THY1: variants seen among roughly 807,000 people sequenced by gnomAD.
THY1 encodes Thy-1 cell surface antigen.
A neutral mutation model predicts 14.9 loss-of-function variants in THY1; 10 were observed. That is an observed-to-expected ratio of 0.67 (90% CI 0.41 to 1.14). The LOEUF (loss-of-function observed/expected upper bound fraction) is 1.14, where lower values mean the gene tolerates loss of function less well. Ranked by LOEUF, THY1 falls within the 50% of genes most tolerant of loss-of-function variation. THY1 has a pLI of 0.00. For missense variants in THY1, 159 were observed against 202.1 expected (o/e 0.79, Z 1.29); for synonymous variants, 80 against 90.0 (o/e 0.89, Z 0.63).
In THY1 at chr11:119,420,943, A is replaced by G. The variant is rs528282780; in HGVS notation, c.-24-14T>C. On this transcript the variant is annotated splice_polypyrimidine_tract_variant and intron_variant, in intron 1 of 3. Transcript: ENST00000284240. ...TCAGTCCTGGATCTGGGGTGGGAAC[A>G]GGATGGGAATCAGCCAAGCTGTGCC... 2.5e-6 allele frequency: 4 copies of G among 1,613,880 alleles called. No homozygotes were observed. The highest frequency in any genetic ancestry group is 2.7e-5 in the African/African-American group (2 of 75,032).
Position 119,420,402 on chromosome 11 carries a change from C to A in THY1, c.38-16G>T. 1.3e-6 allele frequency: 2 copies of A among 1,595,166 alleles called. No individual in the cohort carries two copies. The highest frequency in any genetic ancestry group is 1.7e-6 in the Non-Finnish European group (2 of 1,172,490). On this transcript the variant is annotated splice_polypyrimidine_tract_variant and intron_variant, in intron 2 of 3. Coordinates refer to ENST00000284240, the MANE Select transcript of THY1 (RefSeq NM_006288.5). ...ACCTGCAAGACTGGCACCAGCAGTG[C>A]CTCCTTCAAACTGGAGGGGCCTGCG... is the stretch of plus-strand genomic sequence containing the variant.
Position 119,422,919 on chromosome 11 carries a change from G to C in THY1, c.-25+194C>G, listed in dbSNP as rs893381159. Among the ~76,000 whole-genome samples, 1 of 152,146 alleles carries C rather than the reference G, an allele frequency of 6.6e-6. No homozygotes were observed. The highest frequency in any genetic ancestry group is 1.5e-5 in the Non-Finnish European group (1 of 67,996). On this transcript the variant is annotated intron_variant, in intron 1 of 3. Transcript: ENST00000284240. The surrounding 1 kb of genome is among the most constrained non-coding windows in gnomAD (Gnocchi z 7.0). ...GAGCGCCTTCCCCGAAAGACATCAG[G>C]GTGCCACGCGGCCCCTGCCCTGCAG...
chr11:119,417,757 C>T lies in THY1; in HGVS notation c.*1651G>A, dbSNP rs935663947. The stretch of plus-strand genomic sequence containing the variant: ...GAGGACATGGGCATCTCCCACCCTT[C>T]GTGCTCACCCTCGCAATAGTGGATG... On this transcript the variant is annotated 3_prime_UTR_variant, in exon 4 of 4. Transcript: ENST00000284240. 3.9e-5 allele frequency: 6 copies of T among 152,332 alleles called. No individual in the cohort carries two copies. The highest frequency in any genetic ancestry group is 1.2e-4 in the African/African-American group (5 of 41,466). The allele number at this position is 152,332 out of a possible 1,614,324, so 9.4% of individuals were successfully genotyped here.
Position 119,416,312 on chromosome 11 carries a change from G to A in THY1, c.*3096C>T, listed in dbSNP as rs542346892. Among the ~76,000 whole-genome samples, 3 of 152,190 alleles carry A rather than the reference G, an allele frequency of 2.0e-5. No individual in the cohort carries two copies. The highest frequency in any genetic ancestry group is 6.5e-5 in the Admixed American group (1 of 15,292). On this transcript the variant is annotated 3_prime_UTR_variant, in exon 4 of 4. Coordinates refer to ENST00000284240, the MANE Select transcript of THY1 (RefSeq NM_006288.5). ...GTTGGGGCATGTGTACAGGAACCAG[G>A]GCTGGGGGCCAGCCCTCTATAATTA...
In THY1 at chr11:119,416,992, AG is replaced by A. The variant is rs1861790394; in HGVS notation, c.*2415del. Among the ~76,000 whole-genome samples the A allele has an allele frequency of 6.6e-6, 1 of 152,220 alleles. No individual in the cohort carries two copies. Among genetic ancestry groups the A allele is most frequent in the African/African-American group, 2.4e-5 (1 of 41,464 alleles). On this transcript the variant is annotated 3_prime_UTR_variant, in exon 4 of 4. Transcript: ENST00000284240. Reference sequence around the variant, plus strand: ...TACTAGAGTGTGACAAAGACCCCATAGGAAGTGTCACACAGGTGCGAGGCTT... The same window carrying A: ...TACTAGAGTGTGACAAAGACCCCATAGAAGTGTCACACAGGTGCGAGGCTT...
At position 119,420,027 on chromosome 11, in the gene THY1, G is replaced by A. The variant is rs2135434946; in HGVS notation, c.373+24C>T. On this transcript the variant is annotated intron_variant, in intron 3 of 3. Coordinates refer to ENST00000284240, the MANE Select transcript of THY1 (RefSeq NM_006288.5). ...CGAGCCTGGCTCTCCCAGCTCACTT[G>A]ACCTTGTTAGGGGCTTGTCTCACCT... is the stretch of plus-strand genomic sequence containing the variant. 4 of 1,596,002 alleles carry A rather than the reference G, an allele frequency of 2.5e-6. No individual in the cohort carries two copies. The East Asian group carries it at 6.7e-5, about 27-fold the overall frequency.
rs1401194032 is a variant in THY1, at chr11:119,418,318, GAA to G, written c.*1088_*1089del. The G allele has an allele frequency of 6.6e-6, 1 of 152,558 alleles. No homozygotes were observed. Among genetic ancestry groups the G allele is most frequent in the Non-Finnish European group, 1.5e-5 (1 of 68,306 alleles). The allele number at this position is 152,558 out of a possible 1,614,324, so 9.5% of individuals were successfully genotyped here. On this transcript the variant is annotated 3_prime_UTR_variant, in exon 4 of 4. Transcript: ENST00000284240. ...GGGGTTGGGAAAAGCCATTTCCTGA[GAA>G]GTGTCCGGCTCCTGGGTCTCACTCC...
rs544554724 is a variant in THY1, at chr11:119,417,159, C to T, written c.*2249G>A. ...CTCACCAAGATGCCTTTCCTTGGCA[C>T]GGCGCTTGCAGCCCAAGCAGGGCTG... On this transcript the variant is annotated 3_prime_UTR_variant, in exon 4 of 4. Coordinates refer to ENST00000284240, the MANE Select transcript of THY1 (RefSeq NM_006288.5). Among the ~76,000 whole-genome samples, 51 of 152,342 alleles carry T rather than the reference C, an allele frequency of 3.3e-4. No individual in the cohort carries two copies. The highest frequency in any genetic ancestry group is 1.1e-3 in the African/African-American group (46 of 41,586).
intron 2 of THY1, 91 bp downstream of exon 2, chr11:119,420,778 C>T (rs550984216): frequency 1.0e-4 from 151 of 1,490,156 alleles, no homozygotes; most frequent in Admixed American, 9.4e-4. Context: ...TTGTCACCTG[C>T]GCTTTTCTGA....
intron 1 of THY1, 30 bp downstream of exon 1, chr11:119,423,083 G>C (rs1283695050): frequency 2.2e-6 from 1 of 456,070 alleles, no homozygotes; most frequent in Non-Finnish European, 4.4e-6. Flanking sequence ...CGGTCCCCGA[G>C]CCCCAGGTCC....
At position 119,422,624 on chromosome 11, in the gene THY1, T is replaced by C; in HGVS notation, c.-25+489A>G. 1.0e-5 allele frequency: 2 copies of C among 199,922 alleles called. No individual in the cohort carries two copies. Among genetic ancestry groups the C allele is most frequent in the Non-Finnish European group, 2.1e-5 (2 of 97,368 alleles). 12.4% of individuals were successfully genotyped at this position (199,922 alleles called of 1,614,324 possible). ...TCTCCCCTCCCCCGTCCGCCCGCCT[T>C]CCACCCAGTCCCCGCCTGCGGCACT... On this transcript the variant is annotated intron_variant, in intron 1 of 3. Coordinates refer to ENST00000284240, the MANE Select transcript of THY1 (RefSeq NM_006288.5). This position sits in a 1 kb window ranked among gnomAD's most constrained non-coding sequence, Gnocchi z 7.0.
chr11:119,424,018 C>G (rs1861970199), upstream of THY1: 1 of 152,434 alleles, frequency 6.6e-6, no homozygotes, highest in South Asian at 2.1e-4. Context: ...CATCCCATCT[C>G]AATCCTCACC....
At chr11:119,423,183 C>A (rs1180024504), upstream of THY1, 5 of 454,702 alleles carry the variant, frequency 1.1e-5, no homozygotes, top group Middle Eastern at 3.8e-4. Flanking sequence ...GCACCCAGCT[C>A]GGAGCCCGCA....
rs770458206 is a variant in THY1 at position 119,423,106 on chromosome 11, T to C, written c.-25+7A>G. 6.8e-4 allele frequency: 309 copies of C among 455,840 alleles called. No individual in the cohort carries two copies. Among genetic ancestry groups the C allele is most frequent in the Non-Finnish European group, 1.2e-3 (283 of 226,780 alleles). The allele number at this position is 455,840 out of a possible 1,614,324, so 28.2% of individuals were successfully genotyped here. A position where few individuals can be genotyped will look rare whatever the true frequency, so the allele number is the denominator to read the frequency against. On this transcript the variant is annotated splice_region_variant and intron_variant, in intron 1 of 3. Transcript: ENST00000284240. The stretch of plus-strand genomic sequence containing the variant: ...GAGCCCCAGGTCCCACCGGCTCCAG[T>C]TCCCACCTGGACTGGGGTCTTCCGC...
chr11:119,420,050 C>T lies in THY1; in HGVS notation c.373+1G>A. The T allele has an allele frequency of 6.2e-7, 1 of 1,609,890 alleles. No individual in the cohort carries two copies. Among genetic ancestry groups the T allele is most frequent in the African/African-American group, 1.3e-5 (1 of 75,052 alleles). On this transcript the variant is annotated splice_donor_variant, in intron 3 of 3. Transcript: ENST00000284240. LOFTEE classifies it high-confidence loss of function. ...TTGACCTTGTTAGGGGCTTGTCTCA[C>T]CTCTGAGCACTGTGACGTTCTGGGA...
chr11:119,419,547 CAGGGTAGGA>C, intron 3 of THY1, 27 bp from the exon 4 acceptor site: 1 of 1,591,634 alleles, frequency 6.3e-7, no homozygotes. Flanking sequence ...GGGCCGGGGG[CAGGGTAGGA>C]AGGAAGACGG....
Position 119,416,215 on chromosome 11 carries a change from A to G in THY1, c.*3193T>C, listed in dbSNP as rs1307452163. On this transcript the variant is annotated 3_prime_UTR_variant, in exon 4 of 4. Transcript: ENST00000284240. ...GAGCGGGAATTCCACGGCCCTAGGTATGGACTTAGGTGCTGAAGGGGGGGG... is the reference window on the plus strand; with the variant it reads ...GAGCGGGAATTCCACGGCCCTAGGTGTGGACTTAGGTGCTGAAGGGGGGGG... 2.0e-5 allele frequency among the ~76,000 whole-genome samples: 3 copies of G among 152,032 alleles called. No individual in the cohort carries two copies. Among genetic ancestry groups the G allele is most frequent in the South Asian group, 4.2e-4 (2 of 4,812 alleles).
At position 119,417,395 on chromosome 11, in the gene THY1, CT is replaced by C. The variant is rs1211889774; in HGVS notation, c.*2012del. 6.6e-6 allele frequency: 1 copy of C among 152,234 alleles called. No individual in the cohort carries two copies. Among genetic ancestry groups the C allele is most frequent in the Non-Finnish European group, 1.5e-5 (1 of 68,060 alleles). The allele number at this position is 152,234 out of a possible 1,614,324, so 9.4% of individuals were successfully genotyped here. On this transcript the variant is annotated 3_prime_UTR_variant, in exon 4 of 4. Transcript: ENST00000284240. ...CGGTGGCATAATTTAGATCTGAGGC[CT>C]TTAAGAAAAATGCTCAGAAACAATC... is the stretch of plus-strand genomic sequence containing the variant.
Position 119,416,969 on chromosome 11 carries a change from CTA to C in THY1, c.*2437_*2438del, listed in dbSNP as rs988600322. ...TGCTAAACTCTTCAGGGACATAGTA[CTA>C]GAGTGTGACAAAGACCCCATAGGAA... On this transcript the variant is annotated 3_prime_UTR_variant, in exon 4 of 4. Coordinates refer to ENST00000284240, the MANE Select transcript of THY1 (RefSeq NM_006288.5). 5.3e-5 allele frequency among the ~76,000 whole-genome samples: 8 copies of C among 152,210 alleles called. No homozygotes were observed. Among genetic ancestry groups the C allele is most frequent in the African/African-American group, 1.4e-4 (6 of 41,446 alleles).
Sources: allele counts gnomAD v4.1 joint callset (sites outside exome capture counted in the v4.1 genomes callset), GRCh38; gene constraint gnomAD v4.1.1; non-coding constraint Gnocchi (gnomAD v3.1); transcripts MANE v1.5; gene names NCBI Gene and HGNC (gene_info 2026-07-23, HGNC 2026-07-21).